The following KATNIP variants were observed in gnomAD, a reference collection of about 807,000 sequenced individuals.
KATNIP encodes katanin-interacting protein.
In KATNIP, 126 loss-of-function variants were observed where a neutral mutation model predicts 174.0. That is an observed-to-expected ratio of 0.72 (90% CI 0.63 to 0.84). The LOEUF (loss-of-function observed/expected upper bound fraction) is 0.84. Ranked by LOEUF, KATNIP falls within the 40% of genes least tolerant of loss-of-function variation. The pLI, the probability that KATNIP is intolerant of heterozygous loss-of-function variation, is 0.00. For missense variants in KATNIP, 1,958 were observed against 2,109.7 expected (o/e 0.93, Z 1.41); for synonymous variants, 810 against 835.7 (o/e 0.97, Z 0.53).
intron 21 of KATNIP, 81 bp from the exon 22 acceptor site, chr16:27,771,507 A>C: frequency 7.3e-7 from 1 of 1,366,110 alleles, no homozygotes; most frequent in Non-Finnish European, 1.0e-6. Flanking sequence ...GTTTCTTCAA[A>C]GGCTGTTACC....
At chr16:27,550,407 G>C (rs2089298523) in intron 1 of KATNIP, among the ~76,000 whole-genome samples, 1 of 152,154 alleles carries the variant, frequency 6.6e-6, no homozygotes, top group Non-Finnish European at 1.5e-5. Context: ...GAAGGAAACC[G>C]GTACTGGCCG....
Position 27,713,838 on chromosome 16 carries a change from ATATATATATATATATATATC to A in KATNIP, c.1605+4922_1605+4941del, listed in dbSNP as rs1484150909. Among the ~76,000 whole-genome samples the A allele has an allele frequency of 5.3e-3, 402 of 76,102 alleles. 18 individuals carry two copies. The highest frequency in any genetic ancestry group is 0.021 in the African/African-American group (354 of 17,104). 49.9% of individuals were successfully genotyped at this position (76,102 alleles called of 152,430 possible). On this transcript the variant is annotated intron_variant, in intron 13 of 27. Transcript: ENST00000261588. ...TATATATATATATATATATATATAT[ATATATATATATATATATATC>A]TATCTCAGATTGTGCCCTTCCCCTA... is the stretch of plus-strand genomic sequence containing the variant.
At chr16:27,675,589 GA>G (rs2142733162) in intron 6 of KATNIP, among the ~76,000 whole-genome samples, 1 of 152,320 alleles carries the variant, frequency 6.6e-6, no homozygotes, top group African/African-American at 2.4e-5. Context: ...TCCATCCTTG[GA>G]GTCATTCTTC....
At position 27,778,681 on chromosome 16, in the gene KATNIP, GC is replaced by G; in HGVS notation, c.*56del. ...CCCACTATGGTGGGCTCCGTCAGCA[GC>G]CCCACTCAGTGCCTGCGTCCCTCAC... On this transcript the variant is annotated 3_prime_UTR_variant, in exon 28 of 28. Transcript: ENST00000261588. 5 of 1,563,022 alleles carry G rather than the reference GC, an allele frequency of 3.2e-6. No individual in the cohort carries two copies. The highest frequency in any genetic ancestry group is 4.4e-6 in the Non-Finnish European group (5 of 1,139,792).
Position 27,740,332 on chromosome 16 carries a change from G to T in KATNIP, c.2035G>T (p.Gly679Cys), listed in dbSNP as rs111376159. 1 of 1,614,238 alleles carries T rather than the reference G, an allele frequency of 6.2e-7. No individual in the cohort carries two copies. Among genetic ancestry groups the T allele is most frequent in the Admixed American group, 1.7e-5 (1 of 60,034 alleles). ...GCTTTCTTCACAAGGAAATGTGTCT[G>T]GCAAAAGAAAGAATTCTACTAATTG... The part of the protein sequence containing the change: ...AKLSSQGNVS[G>C]KRKNSTNCRK... Residue 679 changes from glycine to cysteine, a missense_variant, in exon 15 of 28, where the codon GGC becomes TGC. Physicochemically the swap from Gly to Cys is radical, Grantham distance 159 (BLOSUM62 -3). Coordinates refer to ENST00000261588, the MANE Select transcript of KATNIP (RefSeq NM_015202.5).
At chr16:27,581,983 A>C (rs2090717459) in intron 2 of KATNIP, among the ~76,000 whole-genome samples, 1 of 151,900 alleles carries the variant, frequency 6.6e-6, no homozygotes, top group Non-Finnish European at 1.5e-5. Context: ...TTCTTTACCT[A>C]CTCATTGATT....
At chr16:27,735,694 C>A (rs2080872243) in intron 14 of KATNIP, among the ~76,000 whole-genome samples, 1 of 152,212 alleles carries the variant, frequency 6.6e-6, no homozygotes, top group Non-Finnish European at 1.5e-5. Context: ...GTAACGCAGG[C>A]CGGACAGTTC....
chr16:27,574,558 CTTTTTTTTTT>C (rs10708223), intron 2 of KATNIP, among the ~76,000 whole-genome samples: 3 of 53,486 alleles, frequency 5.6e-5, no homozygotes, highest in South Asian at 1.1e-3. Context: ...ACTTTCTATT[CTTTTTTTTTT>C]TTTTTTTTTT....
chr16:27,573,957 GTAAAT>G lies in KATNIP; in HGVS notation c.63+2_63+6del, dbSNP rs1274123796. 1.9e-5 allele frequency: 30 copies of G among 1,613,914 alleles called. No individual in the cohort carries two copies. Among genetic ancestry groups the G allele is most frequent in the Non-Finnish European group, 2.5e-5 (29 of 1,179,914 alleles). On this transcript the variant is annotated splice_donor_variant and splice_donor_5th_base_variant and intron_variant, in intron 2 of 27. Coordinates refer to ENST00000261588, the MANE Select transcript of KATNIP (RefSeq NM_015202.5). LOFTEE classifies it high-confidence loss of function. ...GTCCTGCTCACGAGAGAAAAAGGAG[GTAAAT>G]GTGTCCCTGGCGAGGGCTGATGGGA...
rs145385874 is a variant in KATNIP at position 27,691,763 on chromosome 16, A to T, written c.941-6565A>T. 5.1e-4 allele frequency among the ~76,000 whole-genome samples: 77 copies of T among 152,348 alleles called. 1 individual carries two copies. The highest frequency in any genetic ancestry group is 9.1e-4 in the Admixed American group (14 of 15,304). On this transcript the variant is annotated intron_variant, in intron 8 of 27. Coordinates refer to ENST00000261588, the MANE Select transcript of KATNIP (RefSeq NM_015202.5). Reference sequence around the variant, plus strand: ...ATATGACTCAAAGGGCACAGACAGCACCTGATGATCATGTTGCTGGAGGAG... The same window carrying T: ...ATATGACTCAAAGGGCACAGACAGCTCCTGATGATCATGTTGCTGGAGGAG...
intron 1 of KATNIP, among the ~76,000 whole-genome samples, chr16:27,567,446 T>C (rs942117449): frequency 3.9e-5 from 6 of 152,130 alleles, no homozygotes; most frequent in Non-Finnish European, 7.4e-5. Flanking sequence ...CTGGACAACA[T>C]AGCAAGACTC....
chr16:27,655,061 C>G (rs1459080872), intron 6 of KATNIP, among the ~76,000 whole-genome samples: 1 of 151,008 alleles, frequency 6.6e-6, no homozygotes, highest in Non-Finnish European at 1.5e-5. Context: ...TCCAGGAATT[C>G]AAGGTTGCAG....
chr16:27,736,900 G>C (rs1245404015), intron 14 of KATNIP, among the ~76,000 whole-genome samples: 1 of 152,130 alleles, frequency 6.6e-6, no homozygotes, highest in Non-Finnish European at 1.5e-5. Flanking sequence ...CAGCACACGC[G>C]GGCAAGGAGG....
In KATNIP at chr16:27,761,470, G is replaced by A; in HGVS notation, c.3689G>A (p.Gly1230Asp). ...WGDLHYLGLTGLEVVGKEGQA... is the reference protein window; with the variant it reads ...WGDLHYLGLTDLEVVGKEGQA... ...GACTTGCACTACCTGGGGCTCACTG[G>A]CCTGGAAGTGGTGGGCAAGGAGGGC... Residue 1230 changes from glycine (G) to aspartate (D), a missense_variant, in exon 19 of 28, where the codon GGC becomes GAC. By Grantham distance (94) the Gly-to-Asp change is moderately conservative. This residue lies in a region of KATNIP where 1,557 missense variants were observed against 1,617.8 expected (regional missense o/e 0.96). Transcript: ENST00000261588. 1 of 1,614,096 alleles carries A rather than the reference G, an allele frequency of 6.2e-7. No individual in the cohort carries two copies. The highest frequency in any genetic ancestry group is 8.5e-7 in the Non-Finnish European group (1 of 1,180,026).
chr16:27,594,816 A>C (rs1031876066), intron 2 of KATNIP, among the ~76,000 whole-genome samples: 3 of 152,180 alleles, frequency 2.0e-5, no homozygotes, highest in African/African-American at 7.2e-5. Flanking sequence ...TCCGTTGAGG[A>C]AAAATAGAGA....
intron 6 of KATNIP, chr16:27,654,509 A>G: frequency 9.6e-7 from 1 of 1,047,052 alleles, no homozygotes; most frequent in Non-Finnish European, 1.3e-6. Flanking sequence ...TGAGGAGAAG[A>G]TGGGAGGCAG....
intron 6 of KATNIP, among the ~76,000 whole-genome samples, chr16:27,658,755 TTTG>T (rs933217079): frequency 1.1e-4 from 16 of 152,006 alleles, no homozygotes; most frequent in Admixed American, 9.8e-4. Context: ...CAATTTGTTT[TTTG>T]TTGTTGTTGT....
chr16:27,610,543 G>T (rs1325512083), intron 2 of KATNIP, among the ~76,000 whole-genome samples: 1 of 152,150 alleles, frequency 6.6e-6, no homozygotes, highest in Non-Finnish European at 1.5e-5. Flanking sequence ...TTAAATGGGT[G>T]TTCTCAGGAC....
chr16:27,614,854 GCTCTACAGGGA>G (rs1334309393), intron 2 of KATNIP, among the ~76,000 whole-genome samples: 2 of 152,204 alleles, frequency 1.3e-5, no homozygotes, highest in Admixed American at 1.3e-4. Flanking sequence ...ACAATCTGGG[GCTCTACAGGGA>G]ACAGGAGGAG....
Sources: gnomAD v4.1 joint callset for allele counts (sites outside exome capture counted in the v4.1 genomes callset) on GRCh38, gnomAD v4.1.1 for gene constraint, gnomAD v4.1.1 regional missense constraint, MANE v1.5 for transcripts, NCBI Gene and HGNC (gene_info 2026-07-23, HGNC 2026-07-21) for gene names.